The following TUT4 variants were observed in gnomAD, a reference collection of about 807,000 sequenced individuals.
TUT4 encodes the protein terminal uridylyl transferase 4, also known as terminal uridylyltransferase 4.
In TUT4, 36 loss-of-function variants were observed where a neutral mutation model predicts 192.2. The ratio of observed to expected loss-of-function variants is 0.19; its 90% CI spans 0.14 to 0.25. The LOEUF (loss-of-function observed/expected upper bound fraction) is 0.25, where lower values mean the gene tolerates loss of function less well. TUT4 is among the 10% of genes least tolerant of loss of function. The probability of loss-of-function intolerance (pLI) is 1.00; values close to 1 mark genes in which losing one functional copy is unlikely to be tolerated. For synonymous variants in TUT4, 618 were observed against 666.0 expected, an observed-to-expected ratio of 0.93 and a Z score of 1.11; for missense variants, 1,493 against 1,957.2, an observed-to-expected ratio of 0.76 and a Z score of 4.47.
intron 1 of TUT4, among the ~76,000 whole-genome samples, chr1:52,535,288 T>C (rs1424978298): frequency 6.6e-6 from 1 of 152,164 alleles, no homozygotes. Flanking sequence ...TCTCCATTTT[T>C]CCACCTTTCT....
chr1:52,471,918 C>A, intron 14 of TUT4, 34 bp downstream of exon 14: 1 of 1,570,014 alleles, frequency 6.4e-7, no homozygotes, highest in Non-Finnish European at 8.6e-7. Flanking sequence ...AAGAAGGAAT[C>A]TAGTCCCAAT....
intron 1 of TUT4, among the ~76,000 whole-genome samples, chr1:52,542,765 A>ATTT (rs553985195): frequency 1.4e-5 from 2 of 146,488 alleles, no homozygotes; most frequent in African/African-American, 5.4e-5. Context: ...TTATTTATTT[A>ATTT]TTTATTTTTT....
chr1:52,486,803 C>T (rs1264250618), intron 9 of TUT4, among the ~76,000 whole-genome samples: 1 of 152,122 alleles, frequency 6.6e-6, no homozygotes, highest in Non-Finnish European at 1.5e-5. Flanking sequence ...ACACCATGAG[C>T]AACCTTTTCC....
intron 3 of TUT4, among the ~76,000 whole-genome samples, chr1:52,511,816 G>A (rs981364700): frequency 3.3e-5 from 5 of 152,214 alleles, no homozygotes; most frequent in Non-Finnish European, 5.9e-5. Context: ...GAAGGTTTAT[G>A]AGCAGAGAAT....
intron 16 of TUT4, chr1:52,463,531 T>C: frequency 8.6e-7 from 1 of 1,156,634 alleles, no homozygotes; most frequent in East Asian, 6.3e-5. Context: ...GCTGAATTCT[T>C]TTATAATGTA....
chr1:52,502,609 CTTTTTTTTTTT>C (rs919559320), intron 4 of TUT4, among the ~76,000 whole-genome samples: 2 of 82,128 alleles, frequency 2.4e-5, no homozygotes, highest in East Asian at 4.0e-4. Context: ...TCTTAGCCCT[CTTTTTTTTTTT>C]TTTTTTTTTT....
intron 1 of TUT4, among the ~76,000 whole-genome samples, chr1:52,546,694 T>C (rs933161610): frequency 2.6e-5 from 4 of 151,892 alleles, no homozygotes; most frequent in African/African-American, 9.7e-5. Context: ...TTGTGTTATG[T>C]ATATTTTACT....
chr1:52,490,841 C>T (rs1478786996), intron 7 of TUT4, 40 bp from the exon 8 acceptor site: 1 of 1,455,980 alleles, frequency 6.9e-7, no homozygotes. Context: ...GTCAACATCT[C>T]TAAAATACGT....
chr1:52,543,728 C>A (rs1558025049), intron 1 of TUT4, among the ~76,000 whole-genome samples: 1 of 151,894 alleles, frequency 6.6e-6, no homozygotes, highest in Non-Finnish European at 1.5e-5. Context: ...AGGTAATCCA[C>A]CAGCCTCGGC....
intron 4 of TUT4, among the ~76,000 whole-genome samples, chr1:52,504,630 G>GA (rs1225041043): frequency 1.3e-5 from 2 of 151,414 alleles, no homozygotes; most frequent in African/African-American, 4.9e-5. Flanking sequence ...ACTCTATCTT[G>GA]AAAAAAAACA....
At chr1:52,465,220 G>A in intron 15 of TUT4, 47 bp from the exon 16 acceptor site, 2 of 1,418,980 alleles carry the variant, frequency 1.4e-6, no homozygotes, top group Non-Finnish European at 2.0e-6. Context: ...AAGCAGAGAG[G>A]AGGAGTCTTC....
intron 2 of TUT4, among the ~76,000 whole-genome samples, chr1:52,521,073 C>T (rs567139556): frequency 4.6e-5 from 7 of 152,164 alleles, no homozygotes; most frequent in East Asian, 1.9e-4. Flanking sequence ...GGATTACAGG[C>T]GTGAGCCACC....
intron 13 of TUT4, among the ~76,000 whole-genome samples, chr1:52,472,374 G>A (rs886871472): frequency 9.9e-5 from 15 of 151,928 alleles, no homozygotes; most frequent in African/African-American, 3.1e-4. Context: ...GATGCAGAAA[G>A]TATGAGTTCA....
chr1:52,470,757 G>A (rs1665525553), intron 14 of TUT4, among the ~76,000 whole-genome samples: 1 of 152,128 alleles, frequency 6.6e-6, no homozygotes, highest in Admixed American at 6.6e-5. Context: ...CAGAAATGGG[G>A]AAGAAGGGAG....
At chr1:52,536,307 A>G (rs1168575036) in intron 1 of TUT4, among the ~76,000 whole-genome samples, 1 of 152,212 alleles carries the variant, frequency 6.6e-6, no homozygotes, top group Non-Finnish European at 1.5e-5. Context: ...GCATTATTCA[A>G]ACTAGGTTGT....
chr1:52,521,090 G>A (rs1264558641), intron 2 of TUT4, among the ~76,000 whole-genome samples: 5 of 151,974 alleles, frequency 3.3e-5, no homozygotes, highest in East Asian at 3.9e-4. Flanking sequence ...CACCGTGCCC[G>A]GCCAACTTAC....
intron 15 of TUT4, among the ~76,000 whole-genome samples, chr1:52,466,500 T>C (rs1664175154): frequency 6.6e-6 from 1 of 151,406 alleles, no homozygotes; most frequent in Non-Finnish European, 1.5e-5. Context: ...GTGCTGGGTG[T>C]GGTGGCGCGC....
intron 11 of TUT4, among the ~76,000 whole-genome samples, chr1:52,479,401 G>A (rs1437384552): frequency 6.6e-6 from 1 of 152,170 alleles, no homozygotes; most frequent in South Asian, 2.1e-4. Context: ...GGAGGCTATA[G>A]TAGTATCCCA....
chr1:52,537,835 C>T (rs1231842907), intron 1 of TUT4, among the ~76,000 whole-genome samples: 1 of 152,110 alleles, frequency 6.6e-6, no homozygotes, highest in Non-Finnish European at 1.5e-5. Context: ...ATCGCTTGAA[C>T]CGAGAAGGCA....
Sources: gnomAD v4.1 joint callset for allele counts (sites outside exome capture counted in the v4.1 genomes callset) on GRCh38, gnomAD v4.1.1 for gene constraint, MANE v1.5 for transcripts, NCBI Gene and HGNC (gene_info 2026-07-23, HGNC 2026-07-21) for gene names.